SNX29: variants seen among roughly 807,000 people sequenced by gnomAD.
SNX29 encodes the protein sorting nexin-29.
Under a neutral mutation model 102.1 loss-of-function variants are expected in SNX29, and 78 were observed. The observed-to-expected ratio is 0.76, with a 90% CI of 0.64 to 0.92. SNX29 has a LOEUF of 0.92. Among genes scored for constraint, SNX29 ranks in the 40% least tolerant of loss-of-function variants. The pLI, the probability that SNX29 is intolerant of heterozygous loss-of-function variation, is 0.00. For synonymous variants in SNX29, 580 were observed against 414.5 expected (o/e 1.40, Z -4.85); for missense variants, 1,280 against 1,061.7 (o/e 1.21, Z -2.86).
chr16:12,288,517 A>G (rs377147501), intron 15 of SNX29, among the ~76,000 whole-genome samples: 64 of 152,184 alleles, frequency 4.2e-4, no homozygotes, highest in African/African-American at 1.4e-3. Flanking sequence ...CGCCACTTCA[A>G]TAAAGCTGTT....
At chr16:12,433,105 T>G (rs549204867) in intron 18 of SNX29, among the ~76,000 whole-genome samples, 2 of 152,302 alleles carry the variant, frequency 1.3e-5, no homozygotes, top group East Asian at 3.9e-4. Flanking sequence ...TTCTGAAAAG[T>G]TGTGTGTGTC....
At chr16:12,496,728 C>T (rs746231852) in intron 19 of SNX29, among the ~76,000 whole-genome samples, 2 of 152,098 alleles carry the variant, frequency 1.3e-5, no homozygotes, top group African/African-American at 2.4e-5. Context: ...CCAGGCCGAT[C>T]TCGAACTCCT....
intron 18 of SNX29, among the ~76,000 whole-genome samples, chr16:12,412,956 C>T (rs1300997103): frequency 6.6e-6 from 1 of 152,232 alleles, no homozygotes; most frequent in Non-Finnish European, 1.5e-5. Context: ...CTCTCCCTTT[C>T]CTGACTCCTT....
At chr16:12,327,882 G>C (rs2081169190) in intron 15 of SNX29, among the ~76,000 whole-genome samples, 1 of 152,142 alleles carries the variant, frequency 6.6e-6, no homozygotes, top group South Asian at 2.1e-4. Flanking sequence ...GGGCCAGGTG[G>C]ACAGGGCCCT....
intron 14 of SNX29, among the ~76,000 whole-genome samples, chr16:12,232,061 C>T (rs1281520155): frequency 6.6e-6 from 1 of 152,100 alleles, no homozygotes; most frequent in East Asian, 1.9e-4. Context: ...AATTGTCCTG[C>T]CCTTCTGGTT....
chr16:12,363,186 A>T (rs1164865429), intron 16 of SNX29, among the ~76,000 whole-genome samples: 1 of 152,160 alleles, frequency 6.6e-6, no homozygotes, highest in Non-Finnish European at 1.5e-5. Context: ...CCCAGGGGAT[A>T]CCCCATTATT....
intron 20 of SNX29, among the ~76,000 whole-genome samples, chr16:12,539,200 AACC>A (rs1275492810): frequency 8.5e-5 from 13 of 152,294 alleles, no homozygotes; most frequent in East Asian, 5.8e-4. Flanking sequence ...AGATTTGAGT[AACC>A]ACCATCACCG....
At chr16:12,546,631 GATAATT>G (rs1428532977) in intron 20 of SNX29, 4 of 152,128 alleles carry the variant, frequency 2.6e-5, no homozygotes, top group South Asian at 4.1e-4. Context: ...TTGATCTATT[GATAATT>G]ATAAACAATT....
At chr16:12,230,853 T>G (rs561878602) in intron 14 of SNX29, among the ~76,000 whole-genome samples, 41 of 152,296 alleles carry the variant, frequency 2.7e-4, no homozygotes, top group African/African-American at 9.4e-4. Flanking sequence ...TGTATATATG[T>G]ATGTACTTAC....
At chr16:12,302,675 T>G (rs2151103289) in intron 15 of SNX29, among the ~76,000 whole-genome samples, 1 of 152,346 alleles carries the variant, frequency 6.6e-6, no homozygotes, top group African/African-American at 2.4e-5. Flanking sequence ...CCTTGGGGGT[T>G]AGAATTTCAT....
intron 18 of SNX29, among the ~76,000 whole-genome samples, chr16:12,459,536 G>C (rs1260292658): frequency 1.3e-5 from 2 of 152,180 alleles, no homozygotes; most frequent in Non-Finnish European, 2.9e-5. Context: ...GACAACCACT[G>C]TTCGCACGGA....
intron 1 of SNX29, among the ~76,000 whole-genome samples, chr16:11,998,530 T>C (rs187529975): frequency 6.6e-6 from 1 of 152,318 alleles, no homozygotes; most frequent in East Asian, 1.9e-4. Flanking sequence ...AACTCAGTGA[T>C]ATCAGGGCTG....
chr16:12,249,216 G>A (rs921925472), intron 14 of SNX29, among the ~76,000 whole-genome samples: 1 of 152,172 alleles, frequency 6.6e-6, no homozygotes, highest in Non-Finnish European at 1.5e-5. Context: ...GAAATGATTG[G>A]AAGGGCCTGG....
At chr16:12,362,133 G>C (rs1271370874) in intron 16 of SNX29, among the ~76,000 whole-genome samples, 3 of 152,202 alleles carry the variant, frequency 2.0e-5, no homozygotes, top group African/African-American at 7.2e-5. Context: ...TTCATTTTAA[G>C]AACCGTGTCT....
At chr16:12,366,493 G>A (rs868865402) in intron 16 of SNX29, among the ~76,000 whole-genome samples, 4 of 152,176 alleles carry the variant, frequency 2.6e-5, no homozygotes, top group Admixed American at 6.5e-5. Context: ...CCCTGGCATG[G>A]AGTCTGCAGG....
intron 20 of SNX29, among the ~76,000 whole-genome samples, chr16:12,561,677 A>G (rs945199996): frequency 1.3e-5 from 2 of 152,002 alleles, no homozygotes; most frequent in Non-Finnish European, 2.9e-5. Context: ...GTGCCCTCAC[A>G]CACAGACCCC....
At chr16:12,549,653 C>T (rs573270994) in intron 20 of SNX29, among the ~76,000 whole-genome samples, 20 of 152,354 alleles carry the variant, frequency 1.3e-4, no homozygotes, top group African/African-American at 4.6e-4. Context: ...CTGCCGAAAC[C>T]AGCTTGAGGC....
At chr16:12,552,027 G>C (rs772322364) in intron 20 of SNX29, among the ~76,000 whole-genome samples, 6 of 152,184 alleles carry the variant, frequency 3.9e-5, no homozygotes, top group Non-Finnish European at 7.3e-5. Context: ...AACGTGGCAA[G>C]TCCAGGCTCA....
Position 12,086,306 on chromosome 16 carries a change from G to A in SNX29, c.1402+7391G>A, listed in dbSNP as rs573457452. On this transcript the variant is annotated intron_variant, in intron 11 of 20. Transcript: ENST00000566228. Reference sequence around the variant, plus strand: ...GGCGTGAGCCACCGCGCCTGGCCACGCTCTTGCCAATTCTACATTACCTAA... The same window carrying A: ...GGCGTGAGCCACCGCGCCTGGCCACACTCTTGCCAATTCTACATTACCTAA... Among the ~76,000 whole-genome samples, 6 of 152,156 alleles carry A rather than the reference G, an allele frequency of 3.9e-5. No individual in the cohort carries two copies. In the South Asian group the frequency reaches 6.2e-4, roughly 16 times the overall value.
Sources: gnomAD v4.1 joint callset for allele counts (sites outside exome capture counted in the v4.1 genomes callset) on GRCh38, gnomAD v4.1.1 for gene constraint, MANE v1.5 for transcripts, NCBI Gene and HGNC (gene_info 2026-07-23, HGNC 2026-07-21) for gene names.